The following BACH2 variants were observed in gnomAD, a reference collection of about 807,000 sequenced individuals.
BACH2 encodes the protein transcription regulator protein BACH2.
In BACH2, 5 loss-of-function variants were observed where a neutral mutation model predicts 61.8. The observed-to-expected ratio is 0.08, with a 90% CI of 0.04 to 0.17. The LOEUF (loss-of-function observed/expected upper bound fraction) is 0.17. Ranked by LOEUF, BACH2 falls within the 10% of genes least tolerant of loss-of-function variation. The pLI is 1.00. For synonymous variants in BACH2, 446 were observed against 440.1 expected (o/e 1.01, Z -0.17); for missense variants, 824 against 1,091.1 (o/e 0.76, Z 3.45).
intron 1 of BACH2, among the ~76,000 whole-genome samples, chr6:90,288,589 G>C (rs1349449222): frequency 6.6e-6 from 1 of 152,048 alleles, no homozygotes; most frequent in Non-Finnish European, 1.5e-5. Context: ...GAGGTAATTG[G>C]GGGTTACTGC....
At chr6:90,198,572 C>T (rs1474218998) in intron 4 of BACH2, among the ~76,000 whole-genome samples, 1 of 152,196 alleles carries the variant, frequency 6.6e-6, no homozygotes, top group Non-Finnish European at 1.5e-5. Flanking sequence ...TCAGACTCTC[C>T]TTCATCTTTT....
intron 1 of BACH2, among the ~76,000 whole-genome samples, chr6:90,286,986 G>C (rs1008596773): frequency 6.6e-6 from 1 of 152,156 alleles, no homozygotes; most frequent in Non-Finnish European, 1.5e-5. Flanking sequence ...GCAGTTCCCC[G>C]CTAGACAGTG....
intron 4 of BACH2, among the ~76,000 whole-genome samples, chr6:90,164,583 T>C (rs1274112573): frequency 6.6e-6 from 1 of 152,176 alleles, no homozygotes; most frequent in Non-Finnish European, 1.5e-5. Context: ...ATCATCCTGA[T>C]ACCAAAGCCT....
chr6:89,939,656 C>CTTTTTTTTTT (rs71298713), intron 7 of BACH2, among the ~76,000 whole-genome samples: 16 of 82,616 alleles, frequency 1.9e-4, no homozygotes, highest in Middle Eastern at 8.5e-3. Context: ...GCTTATATTT[C>CTTTTTTTTTT]TTTTTTTTTT....
intron 3 of BACH2, among the ~76,000 whole-genome samples, chr6:90,208,824 C>G (rs1159123804): frequency 6.6e-6 from 1 of 152,052 alleles, no homozygotes; most frequent in Non-Finnish European, 1.5e-5. Flanking sequence ...CAATGATAGA[C>G]TGGATAAATA....
chr6:90,080,407 A>T (rs1298361945), intron 5 of BACH2, among the ~76,000 whole-genome samples: 1 of 152,118 alleles, frequency 6.6e-6, no homozygotes, highest in Non-Finnish European at 1.5e-5. Context: ...CCTGAAGCTT[A>T]TCAAGCATTA....
chr6:90,283,259 T>C (rs1005083072), intron 1 of BACH2, among the ~76,000 whole-genome samples: 1 of 152,258 alleles, frequency 6.6e-6, no homozygotes, highest in Non-Finnish European at 1.5e-5. Flanking sequence ...ATTATTTATG[T>C]GCCACAAACG....
At chr6:90,069,464 T>C (rs775656688) in intron 5 of BACH2, among the ~76,000 whole-genome samples, 4 of 152,226 alleles carry the variant, frequency 2.6e-5, no homozygotes, top group African/African-American at 7.2e-5. Flanking sequence ...AGTTAATATA[T>C]GGGTTAAGTT....
chr6:90,112,854 G>C (rs1453179645), intron 4 of BACH2, among the ~76,000 whole-genome samples: 1 of 152,064 alleles, frequency 6.6e-6, no homozygotes, highest in Non-Finnish European at 1.5e-5. Flanking sequence ...GTCTTCAAGA[G>C]ACCCATCTCA....
At chr6:90,147,470 C>CAA (rs1784662476) in intron 4 of BACH2, among the ~76,000 whole-genome samples, 1 of 152,150 alleles carries the variant, frequency 6.6e-6, no homozygotes, top group African/African-American at 2.4e-5. Flanking sequence ...AGCCGTTCCG[C>CAA]GGCAGCCACT....
chr6:90,191,771 G>C (rs1768582349), intron 4 of BACH2, among the ~76,000 whole-genome samples: 1 of 151,912 alleles, frequency 6.6e-6, no homozygotes, highest in Non-Finnish European at 1.5e-5. Context: ...TGGCAAACAG[G>C]GATTCCATAA....
chr6:89,972,359 T>C (rs1054253694), intron 6 of BACH2, among the ~76,000 whole-genome samples: 1 of 151,988 alleles, frequency 6.6e-6, no homozygotes, highest in Non-Finnish European at 1.5e-5. Flanking sequence ...AAGGGAAATA[T>C]AGACAGATGA....
intron 4 of BACH2, among the ~76,000 whole-genome samples, chr6:90,106,356 G>T (rs1342527470): frequency 6.6e-6 from 1 of 152,152 alleles, no homozygotes; most frequent in Non-Finnish European, 1.5e-5. Flanking sequence ...CATATATAAT[G>T]GTGGTCCCAT....
chr6:90,172,010 G>A (rs1481507075), intron 4 of BACH2, among the ~76,000 whole-genome samples: 5 of 151,946 alleles, frequency 3.3e-5, no homozygotes, highest in Non-Finnish European at 5.9e-5. Context: ...ATAATCTTAC[G>A]TTTAAGAAAT....
At chr6:90,257,453 T>G (rs1358507514) in intron 2 of BACH2, among the ~76,000 whole-genome samples, 1 of 152,172 alleles carries the variant, frequency 6.6e-6, no homozygotes, top group Admixed American at 6.5e-5. Context: ...TGGTTTTGAT[T>G]TGCATTTCCC....
intron 5 of BACH2, among the ~76,000 whole-genome samples, chr6:90,047,554 A>T (rs1779845912): frequency 6.6e-6 from 1 of 152,054 alleles, no homozygotes; most frequent in Non-Finnish European, 1.5e-5. Flanking sequence ...CTCTACTCAT[A>T]CAGTATCCTT....
chr6:90,008,136 A>C lies in BACH2; in HGVS notation c.243+466T>G, dbSNP rs145026393. ...TGAGAAAAGCAAGTTTACACTTCTT[A>C]GAATCTTACTGAATTAATGGTGAAA... On this transcript the variant is annotated intron_variant, in intron 6 of 8. Coordinates refer to ENST00000257749, the MANE Select transcript of BACH2 (RefSeq NM_021813.4). The surrounding 1 kb of genome is among the most constrained non-coding windows in gnomAD (Gnocchi z 4.1). 1.5e-3 allele frequency: 256 copies of C among 174,030 alleles called. 1 individual carries two copies. The highest frequency in any genetic ancestry group is 5.9e-3 in the African/African-American group (249 of 41,892). 10.8% of individuals were successfully genotyped at this position (174,030 alleles called of 1,614,324 possible).
chr6:90,185,427 C>G (rs1768322006), intron 4 of BACH2, among the ~76,000 whole-genome samples: 1 of 152,044 alleles, frequency 6.6e-6, no homozygotes, highest in Non-Finnish European at 1.5e-5. Flanking sequence ...GAAAAAAGCA[C>G]AGGGCAAAAC....
At chr6:90,198,147 T>C (rs1412656731) in intron 4 of BACH2, among the ~76,000 whole-genome samples, 4 of 152,146 alleles carry the variant, frequency 2.6e-5, no homozygotes, top group Admixed American at 6.5e-5. Flanking sequence ...GGAGCCACTA[T>C]TGTCTGTAAA....
Sources: allele counts gnomAD v4.1 joint callset (sites outside exome capture counted in the v4.1 genomes callset), GRCh38; gene constraint gnomAD v4.1.1; non-coding constraint Gnocchi (gnomAD v3.1); transcripts MANE v1.5; gene names NCBI Gene and HGNC (gene_info 2026-07-23, HGNC 2026-07-21).